GNG2: variants seen among roughly 807,000 people sequenced by gnomAD.
GNG2 encodes the protein G protein subunit gamma 2.
Under a neutral mutation model 5.5 loss-of-function variants are expected in GNG2, and 5 were observed. That is an observed-to-expected ratio of 0.91 (90% CI 0.48 to 1.92). The LOEUF (loss-of-function observed/expected upper bound fraction) is 1.92. Ranked by LOEUF, GNG2 falls within the 30% of genes most tolerant of loss-of-function variation. The pLI is 0.01. For missense variants in GNG2, 55 were observed against 88.4 expected, an observed-to-expected ratio of 0.62 and a Z score of 1.52; for synonymous variants, 28 against 32.0, an observed-to-expected ratio of 0.88 and a Z score of 0.42.
At chr14:51,919,975 G>T (rs114796012) in intron 2 of GNG2, among the ~76,000 whole-genome samples, 2 of 152,266 alleles carry the variant, frequency 1.3e-5, no homozygotes, top group Admixed American at 1.3e-4. Context: ...GATATAAACC[G>T]TTGTCCCTCT....
intron 2 of GNG2, among the ~76,000 whole-genome samples, chr14:51,890,581 C>T (rs1884780335): frequency 6.6e-6 from 1 of 152,164 alleles, no homozygotes; most frequent in African/African-American, 2.4e-5. Flanking sequence ...CCAGTTCTGG[C>T]ATACAACAAA....
chr14:51,859,093 TGTTA>T (rs948147077), upstream of GNG2, among the ~76,000 whole-genome samples: 1 of 152,218 alleles, frequency 6.6e-6, no homozygotes, highest in Admixed American at 6.5e-5. Flanking sequence ...TAACATTTCC[TGTTA>T]GTTTACTTGC....
chr14:51,867,378 A>G (rs1409745515), intron 1 of GNG2, among the ~76,000 whole-genome samples: 1 of 152,140 alleles, frequency 6.6e-6, no homozygotes, highest in Non-Finnish European at 1.5e-5. Flanking sequence ...CACATGTCCA[A>G]AACTGTGCTC....
At chr14:51,924,204 C>A (rs1887182830) in intron 2 of GNG2, among the ~76,000 whole-genome samples, 1 of 152,102 alleles carries the variant, frequency 6.6e-6, no homozygotes, top group African/African-American at 2.4e-5. Context: ...TTCACTTGAG[C>A]CCGGTTTCTT....
intron 2 of GNG2, among the ~76,000 whole-genome samples, chr14:51,833,858 A>C (rs142246944): frequency 2.0e-5 from 3 of 152,316 alleles, no homozygotes; most frequent in East Asian, 3.9e-4. Context: ...ACCACCAACT[A>C]TCTTTGCCAC....
chr14:51,858,190 G>C (rs4278650), upstream of GNG2, among the ~76,000 whole-genome samples: 64,267 of 151,962 alleles, frequency 0.42, 14,283 homozygotes, highest in South Asian at 0.51. Context: ...CTTGTGTTAA[G>C]AGCTCTAAAC....
At chr14:51,932,119 C>T (rs891452959) in intron 2 of GNG2, among the ~76,000 whole-genome samples, 6 of 151,536 alleles carry the variant, frequency 4.0e-5, no homozygotes, top group Non-Finnish European at 5.9e-5. Context: ...TGGTAGCAGG[C>T]GCCTATAGTC....
intron 2 of GNG2, among the ~76,000 whole-genome samples, chr14:51,942,589 C>CTTTCTTTCTTTCTTTCTTTTTTTTT (rs761049973): frequency 4.7e-4 from 38 of 81,126 alleles, no homozygotes; most frequent in African/African-American, 2.0e-3. Context: ...TTCTTTCTTT[C>CTTTCTTTCTTTCTTTCTTTTTTTTT]TTTTTTTTTT....
chr14:51,929,793 G>T (rs145524788), intron 2 of GNG2, among the ~76,000 whole-genome samples: 2 of 152,140 alleles, frequency 1.3e-5, no homozygotes. Context: ...TATGAGGCTG[G>T]CGTCGAGAGA....
chr14:51,873,154 G>C (rs1459939728), intron 1 of GNG2, among the ~76,000 whole-genome samples: 2 of 152,080 alleles, frequency 1.3e-5, no homozygotes, highest in Admixed American at 1.3e-4. Flanking sequence ...AAGGAGAAAG[G>C]CATATTTGAT....
Position 51,827,615 on chromosome 14 carries a change from A to G in GNG2, c.-76-53A>G, listed in dbSNP as rs1056359281. On this transcript the variant is annotated intron_variant, in intron 1 of 3. Coordinates refer to the GNG2 transcript ENST00000553432. ...TTGAGACTTGAGGTCAAATAATTAA[A>G]GCTGTGATTAGTGTGTTGGATGTTC... The G allele has an allele frequency of 4.3e-5, 29 of 674,204 alleles. No individual in the cohort carries two copies. The South Asian group carries it at 4.5e-4, about 10-fold the overall frequency. The allele number at this position is 674,204 out of a possible 1,614,324, so 41.8% of individuals were successfully genotyped here.
intron 2 of GNG2, among the ~76,000 whole-genome samples, chr14:51,946,688 C>T (rs116210283): frequency 0.011 from 1,608 of 152,228 alleles, 32 homozygotes; most frequent in African/African-American, 0.037. Context: ...CCAGTTGATT[C>T]GACTCTCTGG....
chr14:51,872,416 T>C (rs954922128), intron 1 of GNG2, among the ~76,000 whole-genome samples: 4 of 152,180 alleles, frequency 2.6e-5, no homozygotes, highest in African/African-American at 9.7e-5. Flanking sequence ...TAAAATAGGG[T>C]TTATTTCCAC....
At chr14:51,913,999 T>G in intron 2 of GNG2, 1 of 497,152 alleles carries the variant, frequency 2.0e-6, no homozygotes, top group Non-Finnish European at 3.6e-6. Flanking sequence ...TCACTAAAAT[T>G]TTATCTGTAG....
chr14:51,948,628 G>A (rs1048931009), intron 2 of GNG2, among the ~76,000 whole-genome samples: 3 of 152,176 alleles, frequency 2.0e-5, no homozygotes, highest in Non-Finnish European at 4.4e-5. Context: ...TAATTTCCCT[G>A]TGAGGCTGCG....
At chr14:51,943,981 A>T (rs1250295439) in intron 2 of GNG2, among the ~76,000 whole-genome samples, 1 of 152,228 alleles carries the variant, frequency 6.6e-6, no homozygotes, top group Non-Finnish European at 1.5e-5. Flanking sequence ...CCAAATAGCC[A>T]AAGCATTCTT....
At chr14:51,944,391 A>C (rs1888523740) in intron 2 of GNG2, among the ~76,000 whole-genome samples, 1 of 152,204 alleles carries the variant, frequency 6.6e-6, no homozygotes, top group Non-Finnish European at 1.5e-5. Context: ...GGAAGAAATC[A>C]TTTCTCTTTT....
chr14:51,936,603 C>G (rs116321456), intron 2 of GNG2, among the ~76,000 whole-genome samples: 2,658 of 150,232 alleles, frequency 0.018, 90 homozygotes, highest in African/African-American at 0.061. Flanking sequence ...CAGGCTGGAG[C>G]GCAGTGGCAT....
intron 1 of GNG2, among the ~76,000 whole-genome samples, chr14:51,872,310 T>C (rs1298222315): frequency 6.7e-6 from 1 of 149,876 alleles, no homozygotes; most frequent in African/African-American, 2.5e-5. Flanking sequence ...AATGACTATT[T>C]TGTGTGTGTG....
Sources: allele counts gnomAD v4.1 joint callset (sites outside exome capture counted in the v4.1 genomes callset), GRCh38; gene constraint gnomAD v4.1.1; transcripts MANE v1.5; gene names NCBI Gene and HGNC (gene_info 2026-07-23, HGNC 2026-07-21).